Variants in LINC00305 observed in about 807,000 individuals in gnomAD.
The protein encoded by LINC00305 is long independently transcribed non-coding RNA 305.
Position 64,141,436 on chromosome 18 carries a change from C to T in LINC00305, n.314+7339G>A, listed in dbSNP as rs567043417. Among the ~76,000 whole-genome samples the T allele has an allele frequency of 9.2e-5, 14 of 152,132 alleles. No individual in the cohort carries two copies. In the South Asian group the frequency reaches 2.3e-3, roughly 25 times the overall value. ...TTTTAAAAAAGGTTACTGTTGAAAACGAGCATGAATTCTCTTTTACTTAAA... is the reference window on the plus strand; with the variant it reads ...TTTTAAAAAAGGTTACTGTTGAAAATGAGCATGAATTCTCTTTTACTTAAA... On this transcript the variant is annotated intron_variant and non_coding_transcript_variant, in intron 1 of 3. Transcript: ENST00000666468.
intron 1 of LINC00305, among the ~76,000 whole-genome samples, chr18:64,132,784 G>A (rs1329808447): frequency 1.3e-5 from 2 of 152,120 alleles, no homozygotes; most frequent in Non-Finnish European, 2.9e-5. Flanking sequence ...GTTTGCTGTG[G>A]GCATAGCAGT....
chr18:64,117,946 G>A (rs760046241), intron 1 of LINC00305, among the ~76,000 whole-genome samples: 1 of 152,100 alleles, frequency 6.6e-6, no homozygotes, highest in Non-Finnish European at 1.5e-5. Context: ...AAGCAACTTC[G>A]TTTCCCTAAG....
intron 1 of LINC00305, among the ~76,000 whole-genome samples, chr18:64,125,943 C>A (rs1599224038): frequency 6.6e-6 from 1 of 152,068 alleles, no homozygotes; most frequent in Non-Finnish European, 1.5e-5. Flanking sequence ...AAAGAAAATC[C>A]TTCCTGGACA....
At chr18:64,147,489 A>C (rs903294785) in intron 1 of LINC00305, 6 of 152,170 alleles carry the variant, frequency 3.9e-5, no homozygotes, top group Admixed American at 3.9e-4. Context: ...AGTAAATTGG[A>C]CTCAAAATTT....
intron 1 of LINC00305, among the ~76,000 whole-genome samples, chr18:64,145,626 G>T (rs554476023): frequency 6.6e-6 from 1 of 152,272 alleles, no homozygotes; most frequent in East Asian, 1.9e-4. Context: ...ATGTTGGCCA[G>T]GCTGGTCTCA....
chr18:64,140,178 C>G (rs1356481132), intron 1 of LINC00305, among the ~76,000 whole-genome samples: 2 of 151,926 alleles, frequency 1.3e-5, no homozygotes, highest in Non-Finnish European at 2.9e-5. Flanking sequence ...ACCTTGCGTT[C>G]CTCCTCCTCT....
intron 1 of LINC00305, among the ~76,000 whole-genome samples, chr18:64,133,511 C>T (rs1386094169): frequency 6.6e-6 from 1 of 152,180 alleles, no homozygotes; most frequent in East Asian, 1.9e-4. Flanking sequence ...AAGTCACCTA[C>T]AGAATAAAAC....
At chr18:64,094,134 A>T (rs991730730) in intron 3 of LINC00305, among the ~76,000 whole-genome samples, 2 of 152,110 alleles carry the variant, frequency 1.3e-5, no homozygotes, top group Non-Finnish European at 2.9e-5. Context: ...CTCCTCCTAG[A>T]TCTCCTGTGA....
chr18:64,080,980 A>C (rs1181171826), intron 3 of LINC00305, among the ~76,000 whole-genome samples: 1 of 152,208 alleles, frequency 6.6e-6, no homozygotes, highest in Non-Finnish European at 1.5e-5. Context: ...TGTACAGATA[A>C]AAGAAATTGG....
chr18:64,081,660 G>A (rs1001177870), intron 3 of LINC00305, among the ~76,000 whole-genome samples: 1 of 152,186 alleles, frequency 6.6e-6, no homozygotes, highest in Non-Finnish European at 1.5e-5. Flanking sequence ...TGGGTTAAAA[G>A]AATTTGAGTA....
At chr18:64,143,738 A>G (rs149766882) in intron 1 of LINC00305, among the ~76,000 whole-genome samples, 5,782 of 70,390 alleles carry the variant, frequency 0.082, 510 homozygotes, top group Non-Finnish European at 0.14. Flanking sequence ...GTATGTCCAC[A>G]TATTATGCGT....
chr18:64,080,228 C>T (rs1034987614), exon 4 of LINC00305: 1 of 378,576 alleles, frequency 2.6e-6, no homozygotes, highest in African/African-American at 2.2e-5. Context: ...AAAGGTGCTT[C>T]ACAGTATGAC....
chr18:64,124,300 A>G (rs183694129), intron 1 of LINC00305, among the ~76,000 whole-genome samples: 11 of 152,236 alleles, frequency 7.2e-5, no homozygotes, highest in African/African-American at 2.6e-4. Context: ...GCAGTTCTGT[A>G]TCTCTCTCAA....
chr18:64,094,856 A>AAATAAATAAATAAATAAATAAATAAAT (rs1568105312), intron 3 of LINC00305, among the ~76,000 whole-genome samples: 7 of 120,768 alleles, frequency 5.8e-5, no homozygotes, highest in African/African-American at 1.9e-4. Context: ...TTCATCTCAA[A>AAATAAATAAATAAATAAATAAATAAAT]AAATAAATAA....
intron 1 of LINC00305, among the ~76,000 whole-genome samples, chr18:64,134,918 G>A (rs994644408): frequency 1.2e-4 from 18 of 152,188 alleles, no homozygotes; most frequent in African/African-American, 4.1e-4. Flanking sequence ...TTGTCATGAA[G>A]GAGTTAACAG....
chr18:64,099,028 ATAT>A (rs1419325256), intron 1 of LINC00305, among the ~76,000 whole-genome samples: 1 of 152,166 alleles, frequency 6.6e-6, no homozygotes, highest in Non-Finnish European at 1.5e-5. Context: ...ATATAGAGGG[ATAT>A]TATTCAAATC....
Position 64,133,787 on chromosome 18 carries a change from A to T in LINC00305, n.314+14988T>A, listed in dbSNP as rs147044998. ...GATTTTCCCATTTCATAGAACAACA[A>T]AAAAGGTCTTTCAACATGTCATTTT... On this transcript the variant is annotated intron_variant and non_coding_transcript_variant, in intron 1 of 3. Coordinates refer to ENST00000666468, the Ensembl canonical transcript of LINC00305. Among the ~76,000 whole-genome samples the T allele has an allele frequency of 3.9e-5, 6 of 152,314 alleles. No individual in the cohort carries two copies. In the Middle Eastern group the frequency reaches 0.01, roughly 259 times the overall value.
chr18:64,116,565 C>A (rs1043423106), intron 1 of LINC00305, among the ~76,000 whole-genome samples: 1 of 151,882 alleles, frequency 6.6e-6, no homozygotes, highest in Non-Finnish European at 1.5e-5. Context: ...TTTCATGTTT[C>A]TTTTCTTTTC....
chr18:64,107,250 C>T (rs2051295067), intron 1 of LINC00305, among the ~76,000 whole-genome samples: 1 of 152,172 alleles, frequency 6.6e-6, no homozygotes, highest in Non-Finnish European at 1.5e-5. Flanking sequence ...GGCTCATATT[C>T]TGGGTCAGAG....
Sources: gnomAD v4.1 joint callset for allele counts (sites outside exome capture counted in the v4.1 genomes callset) on GRCh38, gnomAD v4.1.1 for gene constraint, MANE v1.5 for transcripts, NCBI Gene and HGNC (gene_info 2026-07-23, HGNC 2026-07-21) for gene names.